The following PPFIA2 variants were observed in gnomAD, a reference collection of about 807,000 sequenced individuals.
PPFIA2 encodes PPFI scaffold protein A2, also known as liprin-alpha-2.
In PPFIA2, 46 loss-of-function variants were observed where a neutral mutation model predicts 175.5. The observed-to-expected ratio is 0.26, with a 90% CI of 0.21 to 0.34. The LOEUF is 0.34. Ranked by LOEUF, PPFIA2 falls within the 10% of genes least tolerant of loss-of-function variation. The pLI is 1.00. For synonymous variants in PPFIA2, 568 were observed against 511.4 expected, an observed-to-expected ratio of 1.11 and a Z score of -1.49; for missense variants, 1,179 against 1,506.1, an observed-to-expected ratio of 0.78 and a Z score of 3.60.
At chr12:81,392,309 T>C (rs566294888) in intron 8 of PPFIA2, among the ~76,000 whole-genome samples, 3 of 151,952 alleles carry the variant, frequency 2.0e-5, no homozygotes, top group African/African-American at 7.2e-5. Context: ...AGAAGCAGAT[T>C]TGTGGTTAGG....
At chr12:81,495,565 G>A (rs1243510446) in intron 4 of PPFIA2, among the ~76,000 whole-genome samples, 1 of 152,128 alleles carries the variant, frequency 6.6e-6, no homozygotes, top group African/African-American at 2.4e-5. Flanking sequence ...AGCACTTTGG[G>A]AGACTCAGGC....
At chr12:81,541,801 T>C (rs2066258361) in intron 4 of PPFIA2, among the ~76,000 whole-genome samples, 1 of 152,056 alleles carries the variant, frequency 6.6e-6, no homozygotes, top group African/African-American at 2.4e-5. Context: ...AAGTGAACAA[T>C]TCTGAAACCA....
intron 15 of PPFIA2, among the ~76,000 whole-genome samples, chr12:81,361,443 C>T (rs992372426): frequency 7.3e-5 from 11 of 151,372 alleles, no homozygotes; most frequent in Non-Finnish European, 1.0e-4. Context: ...AAAATAAGAA[C>T]GATTTTCTCA....
intron 3 of PPFIA2, among the ~76,000 whole-genome samples, chr12:81,734,295 G>GA (rs1239901851): frequency 1.3e-5 from 2 of 151,552 alleles, no homozygotes; most frequent in Admixed American, 1.3e-4. Flanking sequence ...CACATATAAG[G>GA]AAAAAATCTC....
intron 20 of PPFIA2, among the ~76,000 whole-genome samples, 187 bp downstream of exon 20, chr12:81,340,891 T>C (rs1477965494): frequency 6.6e-6 from 1 of 152,106 alleles, no homozygotes; most frequent in East Asian, 1.9e-4. Flanking sequence ...ACAGTTAACT[T>C]TAAAAATACA....
intron 4 of PPFIA2, among the ~76,000 whole-genome samples, chr12:81,572,039 C>T (rs557888973): frequency 6.6e-6 from 1 of 151,984 alleles, no homozygotes; most frequent in Admixed American, 6.6e-5. Flanking sequence ...TAGGGTATCC[C>T]CCAGGACATA....
chr12:81,693,112 T>C (rs996067055), intron 3 of PPFIA2, among the ~76,000 whole-genome samples: 3 of 152,108 alleles, frequency 2.0e-5, no homozygotes, highest in Non-Finnish European at 2.9e-5. Flanking sequence ...TCCAACTCAT[T>C]TTTACCTAGT....
intron 4 of PPFIA2, among the ~76,000 whole-genome samples, chr12:81,587,938 T>C (rs1446538400): frequency 6.6e-6 from 1 of 152,014 alleles, no homozygotes; most frequent in Non-Finnish European, 1.5e-5. Flanking sequence ...CATTTATTCA[T>C]TCAAAAAGCA....
chr12:81,655,287 T>C lies in PPFIA2; in HGVS notation c.303+21504A>G, dbSNP rs554048638. On this transcript the variant is annotated intron_variant, in intron 4 of 32. Coordinates refer to ENST00000549396, the MANE Select transcript of PPFIA2 (RefSeq NM_003625.5). ...TTATCCTCTATATTAAATATTCCAA[T>C]ATATTTTATTAATTTCTGCTACTAA... Among the ~76,000 whole-genome samples the C allele has an allele frequency of 2.0e-5, 3 of 151,964 alleles. No individual in the cohort carries two copies. In the South Asian group the frequency reaches 6.2e-4, roughly 32 times the overall value.
intron 4 of PPFIA2, among the ~76,000 whole-genome samples, chr12:81,628,525 C>A (rs1405427535): frequency 6.6e-6 from 1 of 151,940 alleles, no homozygotes; most frequent in Non-Finnish European, 1.5e-5. Flanking sequence ...TACTGGCATG[C>A]ACCACCATGT....
intron 3 of PPFIA2, among the ~76,000 whole-genome samples, chr12:81,744,859 G>T (rs1277114404): frequency 6.6e-6 from 1 of 152,186 alleles, no homozygotes; most frequent in African/African-American, 2.4e-5. Context: ...GTCATTAATG[G>T]GATCCTGGTG....
intron 4 of PPFIA2, among the ~76,000 whole-genome samples, chr12:81,581,778 T>A (rs911188065): frequency 2.0e-5 from 3 of 151,852 alleles, no homozygotes; most frequent in Non-Finnish European, 4.4e-5. Context: ...TTTTTGGTTT[T>A]CTTTCAGTGT....
At chr12:81,612,247 T>A (rs372747163) in intron 4 of PPFIA2, among the ~76,000 whole-genome samples, 5 of 152,316 alleles carry the variant, frequency 3.3e-5, no homozygotes, top group Middle Eastern at 3.4e-3. Context: ...CACAGCTGGC[T>A]ATGCATAGGA....
At chr12:81,632,521 TC>T (rs1297614734) in intron 4 of PPFIA2, among the ~76,000 whole-genome samples, 2 of 152,100 alleles carry the variant, frequency 1.3e-5, no homozygotes, top group Non-Finnish European at 2.9e-5. Context: ...TGCAAAGAGA[TC>T]AAGTCCATAT....
chr12:81,328,193 T>C (rs1305542917), intron 21 of PPFIA2, among the ~76,000 whole-genome samples: 5 of 152,204 alleles, frequency 3.3e-5, no homozygotes, highest in Non-Finnish European at 7.3e-5. Context: ...CCAAACCAGC[T>C]TACTAATTAT....
At chr12:81,694,897 G>C (rs913737279) in intron 3 of PPFIA2, among the ~76,000 whole-genome samples, 1 of 152,160 alleles carries the variant, frequency 6.6e-6, no homozygotes, top group African/African-American at 2.4e-5. Flanking sequence ...CTGGATATGG[G>C]ATACGGAATA....
At chr12:81,704,656 C>G (rs1292784186) in intron 3 of PPFIA2, among the ~76,000 whole-genome samples, 2 of 152,036 alleles carry the variant, frequency 1.3e-5, no homozygotes, top group Non-Finnish European at 2.9e-5. Flanking sequence ...CATATACTTG[C>G]ACATACAAGG....
chr12:81,664,273 T>A (rs1380996485), intron 4 of PPFIA2, among the ~76,000 whole-genome samples: 2 of 151,572 alleles, frequency 1.3e-5, no homozygotes, highest in African/African-American at 4.9e-5. Context: ...TGGGAGAAAA[T>A]TTTTGCAATC....
At chr12:81,716,759 A>ATCC (rs2078681819) in intron 3 of PPFIA2, among the ~76,000 whole-genome samples, 1 of 151,714 alleles carries the variant, frequency 6.6e-6, no homozygotes, top group African/African-American at 2.4e-5. Flanking sequence ...CACTTTTTAA[A>ATCC]ATTATTACTT....
Sources: gnomAD v4.1 joint callset for allele counts (sites outside exome capture counted in the v4.1 genomes callset) on GRCh38, gnomAD v4.1.1 for gene constraint, MANE v1.5 for transcripts, NCBI Gene and HGNC (gene_info 2026-07-23, HGNC 2026-07-21) for gene names.